The following ARHGAP15 variants were observed in gnomAD, a reference collection of about 807,000 sequenced individuals.
ARHGAP15 encodes the protein Rho GTPase activating protein 15.
Under a neutral mutation model 63.7 loss-of-function variants are expected in ARHGAP15, and 51 were observed. The ratio of observed to expected loss-of-function variants is 0.80; its 90% confidence interval spans 0.64 to 1.01. The LOEUF is 1.01. Ranked by LOEUF, ARHGAP15 falls within the 50% of genes least tolerant of loss-of-function variation. The probability of loss-of-function intolerance (pLI) is 0.00; values close to 1 mark genes in which losing one functional copy is unlikely to be tolerated. For missense variants in ARHGAP15, 560 were observed against 564.6 expected, an observed-to-expected ratio of 0.99 and a Z score of 0.08; for synonymous variants, 191 against 193.8, an observed-to-expected ratio of 0.99 and a Z score of 0.12.
Position 143,624,124 on chromosome 2 carries a change from T to C in ARHGAP15, c.1004-9T>C. On this transcript the variant is annotated splice_polypyrimidine_tract_variant and intron_variant, in intron 11 of 13. Coordinates refer to ENST00000295095, the MANE Select transcript of ARHGAP15 (RefSeq NM_018460.4). Reference sequence around the variant, plus strand: ...ACCAGTTGTTCCATTTCTCCTCGTGTTTTCCCAGAAGAGAAGCTGAATTTG... The same window carrying C: ...ACCAGTTGTTCCATTTCTCCTCGTGCTTTCCCAGAAGAGAAGCTGAATTTG... The C allele has an allele frequency of 6.2e-7, 1 of 1,612,240 alleles. No homozygotes were observed. Among genetic ancestry groups the C allele is most frequent in the Non-Finnish European group, 8.5e-7 (1 of 1,178,820 alleles).
chr2:143,604,046 A>G (rs1697884665), intron 11 of ARHGAP15, among the ~76,000 whole-genome samples: 1 of 152,212 alleles, frequency 6.6e-6, no homozygotes, highest in African/African-American at 2.4e-5. Flanking sequence ...TTTCCTGACA[A>G]TGAAATCCAT....
chr2:143,533,870 C>T (rs1308848998), intron 10 of ARHGAP15, among the ~76,000 whole-genome samples: 1 of 152,186 alleles, frequency 6.6e-6, no homozygotes, highest in African/African-American at 2.4e-5. Flanking sequence ...GATTGGAAAT[C>T]TAAGACCTCG....
At chr2:143,473,307 G>A (rs1230050308) in intron 8 of ARHGAP15, among the ~76,000 whole-genome samples, 2 of 152,106 alleles carry the variant, frequency 1.3e-5, no homozygotes, top group Admixed American at 6.5e-5. Flanking sequence ...GCACTTGTTC[G>A]TGTTTTCACA....
At chr2:143,682,337 G>T (rs919780853) in intron 12 of ARHGAP15, among the ~76,000 whole-genome samples, 4 of 151,358 alleles carry the variant, frequency 2.6e-5, no homozygotes, top group Non-Finnish European at 5.9e-5. Context: ...GTTAAAAAAA[G>T]ATAGGAATTA....
chr2:143,384,893 A>G (rs1295141655), intron 6 of ARHGAP15, among the ~76,000 whole-genome samples: 1 of 152,224 alleles, frequency 6.6e-6, no homozygotes, highest in Non-Finnish European at 1.5e-5. Context: ...CAGTGCATTC[A>G]GAGAAAAAAA....
chr2:143,466,868 C>T (rs1179321696), intron 8 of ARHGAP15, among the ~76,000 whole-genome samples: 1 of 152,014 alleles, frequency 6.6e-6, no homozygotes, highest in Admixed American at 6.6e-5. Flanking sequence ...TGTTGCATCT[C>T]CTGATTCAGT....
intron 6 of ARHGAP15, among the ~76,000 whole-genome samples, chr2:143,303,968 G>A (rs1683042810): frequency 6.6e-6 from 1 of 152,146 alleles, no homozygotes; most frequent in African/African-American, 2.4e-5. Context: ...GTGCTGGAGA[G>A]GATGTGGAGA....
chr2:143,398,693 T>C (rs1342180612), intron 6 of ARHGAP15, among the ~76,000 whole-genome samples: 1 of 152,052 alleles, frequency 6.6e-6, no homozygotes, highest in Non-Finnish European at 1.5e-5. Context: ...ATGAGAAGCA[T>C]CCCTCTCATT....
intron 8 of ARHGAP15, among the ~76,000 whole-genome samples, chr2:143,485,092 A>T (rs1482355190): frequency 3.3e-5 from 5 of 152,226 alleles, no homozygotes; most frequent in East Asian, 1.9e-4. Context: ...TTAAAAAAAA[A>T]TTTTTAATTT....
chr2:143,438,763 A>G (rs2105098058), intron 8 of ARHGAP15, among the ~76,000 whole-genome samples: 3 of 152,252 alleles, frequency 2.0e-5, no homozygotes, highest in Middle Eastern at 6.8e-3. Flanking sequence ...ATAAGGTAAG[A>G]TTTCAGAATT....
At chr2:143,153,873 T>TCCTCCTCCTCCTCCTCC (rs1689967986) in intron 1 of ARHGAP15, among the ~76,000 whole-genome samples, 1 of 46,848 alleles carries the variant, frequency 2.1e-5, no homozygotes, top group Non-Finnish European at 4.8e-5. Context: ...CCTCCTCCTC[T>TCCTCCTCCTCCTCCTCC]TCCTCCTCCT....
chr2:143,396,169 G>A (rs907731146), intron 6 of ARHGAP15, among the ~76,000 whole-genome samples: 1 of 152,040 alleles, frequency 6.6e-6, no homozygotes, highest in African/African-American at 2.4e-5. Flanking sequence ...TCAAAAACGA[G>A]GTAAAAGGAT....
At chr2:143,409,828 A>G (rs1268754846) in intron 6 of ARHGAP15, among the ~76,000 whole-genome samples, 6 of 152,132 alleles carry the variant, frequency 3.9e-5, no homozygotes, top group Non-Finnish European at 7.4e-5. Context: ...GGTAGGCTAT[A>G]CCATCTAGGT....
At chr2:143,320,743 G>A (rs553330235) in intron 6 of ARHGAP15, among the ~76,000 whole-genome samples, 16 of 152,210 alleles carry the variant, frequency 1.1e-4, no homozygotes, top group East Asian at 5.8e-4. Context: ...GGATAGTTGC[G>A]TCCCCTGGTG....
At chr2:143,686,502 GTCTAAT>G (rs1363229469) in intron 12 of ARHGAP15, among the ~76,000 whole-genome samples, 1 of 148,156 alleles carries the variant, frequency 6.7e-6, no homozygotes. Flanking sequence ...TTACTTTTTA[GTCTAAT>G]TCTATTTAAA....
intron 6 of ARHGAP15, among the ~76,000 whole-genome samples, chr2:143,313,573 G>A (rs1683546040): frequency 6.6e-6 from 1 of 152,142 alleles, no homozygotes; most frequent in Admixed American, 6.6e-5. Flanking sequence ...CAAGGAGTGT[G>A]TGTATGGGAG....
At chr2:143,744,365 A>T (rs1454205370) in intron 13 of ARHGAP15, among the ~76,000 whole-genome samples, 1 of 152,232 alleles carries the variant, frequency 6.6e-6, no homozygotes, top group Non-Finnish European at 1.5e-5. Context: ...CTGGATGACT[A>T]CCGCTACTTG....
At chr2:143,610,066 C>T (rs1313616321) in intron 11 of ARHGAP15, among the ~76,000 whole-genome samples, 3 of 151,922 alleles carry the variant, frequency 2.0e-5, no homozygotes, top group Non-Finnish European at 4.4e-5. Flanking sequence ...TTGGGAATAT[C>T]GAGTATACTA....
chr2:143,631,247 TTTGA>T (rs1156641556), intron 12 of ARHGAP15, among the ~76,000 whole-genome samples: 7 of 152,136 alleles, frequency 4.6e-5, no homozygotes, highest in African/African-American at 1.7e-4. Context: ...GTTTCTAGTC[TTTGA>T]TTGTTACAAA....
Sources: allele counts gnomAD v4.1 joint callset (sites outside exome capture counted in the v4.1 genomes callset), GRCh38; gene constraint gnomAD v4.1.1; transcripts MANE v1.5; gene names NCBI Gene and HGNC (gene_info 2026-07-23, HGNC 2026-07-21).